GNB1: variants seen among roughly 807,000 people sequenced by gnomAD.
The protein encoded by GNB1 is G protein subunit beta 1.
GNB1 carries 2 observed loss-of-function variants against 42.9 expected under a neutral mutation model. The ratio of observed to expected loss-of-function variants is 0.05; its 90% CI spans 0.02 to 0.15. The LOEUF is 0.15. GNB1 is among the 10% of genes least tolerant of loss of function. The pLI, the probability that GNB1 is intolerant of heterozygous loss-of-function variation, is 1.00. For synonymous variants in GNB1, 183 were observed against 174.7 expected (o/e 1.05, Z -0.38); for missense variants, 193 against 462.2 (o/e 0.42, Z 5.34).
At chr1:1,819,595 G>A (rs1293676735) in intron 3 of GNB1, among the ~76,000 whole-genome samples, 2 of 151,940 alleles carry the variant, frequency 1.3e-5, no homozygotes, top group African/African-American at 2.4e-5. Flanking sequence ...CTGGAGTGCA[G>A]TGATGTCATC....
intron 10 of GNB1, chr1:1,788,095 G>A (rs1646431122): frequency 6.6e-6 from 1 of 152,132 alleles, no homozygotes. Context: ...GAGCTTAGAG[G>A]CATGAGCCGT....
intron 5 of GNB1, among the ~76,000 whole-genome samples, chr1:1,814,260 C>T (rs1180697507): frequency 1.3e-5 from 2 of 152,090 alleles, no homozygotes; most frequent in African/African-American, 4.8e-5. Flanking sequence ...AAAGAAAAAG[C>T]CTAGCAGAAA....
intron 7 of GNB1, among the ~76,000 whole-genome samples, chr1:1,795,078 G>A (rs1000658857): frequency 2.0e-5 from 3 of 152,186 alleles, no homozygotes; most frequent in African/African-American, 4.8e-5. Flanking sequence ...GAAAGTATGC[G>A]TGGTCAAATA....
At chr1:1,860,466 A>C (rs1007406632) in intron 1 of GNB1, among the ~76,000 whole-genome samples, 6 of 151,984 alleles carry the variant, frequency 3.9e-5, no homozygotes, top group Non-Finnish European at 8.8e-5. Flanking sequence ...TAAATAAATA[A>C]AAACAAACAA....
rs114053763 is a variant in GNB1 at position 1,798,460 on chromosome 1, C to T, written c.431-5149G>A. On this transcript the variant is annotated intron_variant, in intron 7 of 11. Coordinates refer to ENST00000378609, the MANE Select transcript of GNB1 (RefSeq NM_002074.5). Reference sequence around the variant, plus strand: ...GCCTAAAAATGCCAAGTTTTGGCCACCACAGTGGGCTCTGTCACTGACAGC... The same window carrying T: ...GCCTAAAAATGCCAAGTTTTGGCCATCACAGTGGGCTCTGTCACTGACAGC... Among the ~76,000 whole-genome samples, 1,014 of 152,348 alleles carry T rather than the reference C, an allele frequency of 6.7e-3. 15 individuals are homozygous for T. The highest frequency in any genetic ancestry group is 0.023 in the African/African-American group (965 of 41,568).
chr1:1,823,976 C>T (rs1350053050), intron 3 of GNB1, among the ~76,000 whole-genome samples: 1 of 152,178 alleles, frequency 6.6e-6, no homozygotes, highest in Non-Finnish European at 1.5e-5. Context: ...AAGTGATCCT[C>T]CTGGGTAGCT....
intron 3 of GNB1, chr1:1,825,024 T>C (rs752382282): frequency 1.9e-4 from 35 of 179,868 alleles, no homozygotes; most frequent in Middle Eastern, 2.3e-3. Context: ...TTAATACTCT[T>C]ACTTTTAAGC....
At chr1:1,845,282 G>T (rs546817957) in intron 1 of GNB1, among the ~76,000 whole-genome samples, 1 of 152,284 alleles carries the variant, frequency 6.6e-6, no homozygotes, top group African/African-American at 2.4e-5. Flanking sequence ...GCATAATAAT[G>T]CTTAAAGTAG....
At position 1,833,136 on chromosome 1, in the gene GNB1, C is replaced by T. The variant is rs548547641; in HGVS notation, c.-47+6054G>A. Among the ~76,000 whole-genome samples the T allele has an allele frequency of 1.8e-4, 27 of 152,226 alleles. No individual in the cohort carries two copies. The South Asian group carries it at 5.0e-3, about 28-fold the overall frequency. On this transcript the variant is annotated intron_variant, in intron 2 of 11. Transcript: ENST00000378609. Reference sequence around the variant, plus strand: ...GAGCCTCCTGTGCAGCACTGGATGGCTGCATCTCTGGATGGTTTGGACAAC... The same window carrying T: ...GAGCCTCCTGTGCAGCACTGGATGGTTGCATCTCTGGATGGTTTGGACAAC...
intron 3 of GNB1, among the ~76,000 whole-genome samples, chr1:1,821,608 C>T (rs1355312884): frequency 6.6e-6 from 1 of 152,166 alleles, no homozygotes; most frequent in Non-Finnish European, 1.5e-5. Flanking sequence ...ACAGCTTTTG[C>T]TGTCCCTGTC....
intron 1 of GNB1, among the ~76,000 whole-genome samples, chr1:1,870,420 C>T (rs1040706385): frequency 1.3e-5 from 2 of 152,150 alleles, no homozygotes; most frequent in African/African-American, 2.4e-5. Context: ...AAGGGATCCT[C>T]GCAACTCAGC....
chr1:1,807,661 C>T (rs1052153473), intron 5 of GNB1, among the ~76,000 whole-genome samples: 1 of 151,794 alleles, frequency 6.6e-6, no homozygotes, highest in Non-Finnish European at 1.5e-5. Flanking sequence ...AGCACCACTG[C>T]GCATGGTCCG....
chr1:1,850,948 C>T (rs1647945298), intron 1 of GNB1, among the ~76,000 whole-genome samples: 1 of 152,172 alleles, frequency 6.6e-6, no homozygotes, highest in African/African-American at 2.4e-5. Context: ...CTGCCTTCAA[C>T]TTCGTGGCAC....
chr1:1,794,571 T>C (rs1646522247), intron 7 of GNB1, among the ~76,000 whole-genome samples: 3 of 152,240 alleles, frequency 2.0e-5, no homozygotes, highest in Middle Eastern at 3.4e-3. Flanking sequence ...CAGGGAGTCA[T>C]GCGACACTGC....
At chr1:1,832,989 T>C (rs1647097525) in intron 2 of GNB1, among the ~76,000 whole-genome samples, 1 of 152,124 alleles carries the variant, frequency 6.6e-6, no homozygotes, top group Non-Finnish European at 1.5e-5. Context: ...ACGTGTACCT[T>C]TGACTAACAA....
In GNB1 at chr1:1,787,483, G is replaced by A. The variant is rs368894253; in HGVS notation, c.917-46C>T. 10 of 1,132,570 alleles carry A rather than the reference G, an allele frequency of 8.8e-6. No individual in the cohort carries two copies. In the African/African-American group the frequency reaches 1.2e-4, roughly 14 times the overall value. The allele number at this position is 1,132,570 out of a possible 1,614,324, so 70.2% of individuals were successfully genotyped here. A position where few individuals can be genotyped will look rare whatever the true frequency, so the allele number is the denominator to read the frequency against. ...AATCACACCAAAGCCCAGAGGCATC[G>A]ATCTCACCTGTGTGCCATGTTGTGA... On this transcript the variant is annotated intron_variant, in intron 10 of 11. Coordinates refer to ENST00000378609, the MANE Select transcript of GNB1 (RefSeq NM_002074.5). The surrounding 1 kb of genome is among the most constrained non-coding windows in gnomAD (Gnocchi z 4.4).
intron 7 of GNB1, 75 bp from the exon 8 acceptor site, chr1:1,793,386 A>G (rs1646506526): frequency 3.1e-6 from 3 of 955,032 alleles, no homozygotes; most frequent in African/African-American, 1.6e-5. Flanking sequence ...AGAGAAACAC[A>G]TTGGCCCGGT....
chr1:1,858,447 G>C (rs186197984), intron 1 of GNB1, among the ~76,000 whole-genome samples: 37 of 152,062 alleles, frequency 2.4e-4, no homozygotes, highest in Non-Finnish European at 4.6e-4. Flanking sequence ...GTTCTTCCTG[G>C]GCATCCTATG....
rs756871637 is a variant in GNB1 at position 1,817,871 on chromosome 1, G to A, written c.62C>T (p.Ala21Val). 6.2e-7 allele frequency: 1 copy of A among 1,611,624 alleles called. No individual in the cohort carries two copies. Among genetic ancestry groups the A allele is most frequent in the South Asian group, 1.1e-5 (1 of 91,030 alleles). The change falls in exon 4 of 12, where the codon GCC becomes GTC. Residue 21 changes from alanine (A) to valine (V), a missense_variant. Around this residue, in one of 2 missense-constraint regions of GNB1, gnomAD observed 43 missense variants for 51.5 expected, o/e 0.84. Transcript: ENST00000378609. Reference protein sequence around the residue: ...AEQLKNQIRDARKACADATLS... With the variant: ...AEQLKNQIRDVRKACADATLS... Reference sequence around the variant, plus strand: ...AGTTGCATCTGCACATGCTTTCCTGGCGTCCTGGGAAGCAAGGACAGTGAG... The same window carrying A: ...AGTTGCATCTGCACATGCTTTCCTGACGTCCTGGGAAGCAAGGACAGTGAG...
Sources: gnomAD v4.1 joint callset for allele counts (sites outside exome capture counted in the v4.1 genomes callset) on GRCh38, gnomAD v4.1.1 for gene constraint, gnomAD v4.1.1 regional missense constraint, Gnocchi (gnomAD v3.1) non-coding constraint, MANE v1.5 for transcripts, NCBI Gene and HGNC (gene_info 2026-07-23, HGNC 2026-07-21) for gene names.